The following KLHDC4 variants were observed in gnomAD, a reference collection of about 807,000 sequenced individuals.
KLHDC4 encodes kelch domain containing 4.
Under a neutral mutation model 62.4 loss-of-function variants are expected in KLHDC4, and 90 were observed. That is an observed-to-expected ratio of 1.44 (90% confidence interval 1.22 to 1.72). The LOEUF is 1.72. Ranked by LOEUF, KLHDC4 falls within the 40% of genes most tolerant of loss-of-function variation. The pLI, the probability that KLHDC4 is intolerant of heterozygous loss-of-function variation, is 0.00. For synonymous variants in KLHDC4, 386 were observed against 284.4 expected (o/e 1.36, Z -3.59); for missense variants, 1,025 against 699.7 (o/e 1.47, Z -5.25).
chr16:87,759,553 C>A (rs2143415326), intron 2 of KLHDC4, among the ~76,000 whole-genome samples: 1 of 152,314 alleles, frequency 6.6e-6, no homozygotes, highest in African/African-American at 2.4e-5. Flanking sequence ...TCAAGACCAG[C>A]CTGACCAACA....
downstream of KLHDC4, among the ~76,000 whole-genome samples, chr16:87,705,036 G>C (rs2034494917): frequency 6.6e-6 from 1 of 152,258 alleles, no homozygotes; most frequent in African/African-American, 2.4e-5. Context: ...TGCCTCCCCT[G>C]GTACGCCCGC....
chr16:87,729,925 G>T (rs1366285733), intron 6 of KLHDC4, among the ~76,000 whole-genome samples: 1 of 152,172 alleles, frequency 6.6e-6, no homozygotes, highest in Non-Finnish European at 1.5e-5. Context: ...TCTGAACCAG[G>T]CTAAGGTTTG....
At chr16:87,762,730 G>C (rs193173965) in intron 1 of KLHDC4, among the ~76,000 whole-genome samples, 31 of 152,178 alleles carry the variant, frequency 2.0e-4, no homozygotes, top group Admixed American at 1.6e-3. Context: ...TGATGTGCCA[G>C]CACAGAGGGC....
chr16:87,737,426 A>C (rs959247320), intron 5 of KLHDC4, among the ~76,000 whole-genome samples: 1 of 151,626 alleles, frequency 6.6e-6, no homozygotes, highest in South Asian at 2.1e-4. Context: ...CGACTCTCCT[A>C]AAAATACAAA....
intron 5 of KLHDC4, 107 bp downstream of exon 5, chr16:87,748,566 A>G (rs2043399392): frequency 7.1e-7 from 1 of 1,417,562 alleles, no homozygotes; most frequent in African/African-American, 1.4e-5. Context: ...CTGTGACCCA[A>G]GTTCCTCTGA....
At chr16:87,746,161 T>C (rs917401081) in intron 5 of KLHDC4, among the ~76,000 whole-genome samples, 1 of 151,926 alleles carries the variant, frequency 6.6e-6, no homozygotes, top group Non-Finnish European at 1.5e-5. Context: ...TCCTGGCTAC[T>C]AGGGGGGCTG....
intron 4 of KLHDC4, among the ~76,000 whole-genome samples, chr16:87,752,820 G>A (rs1214168290): frequency 5.3e-5 from 8 of 152,286 alleles, no homozygotes; most frequent in South Asian, 4.1e-4. Context: ...TTAAAACTAC[G>A]GAGACCCACA....
chr16:87,765,497 G>A (rs549209790), intron 1 of KLHDC4, among the ~76,000 whole-genome samples: 27 of 152,134 alleles, frequency 1.8e-4, no homozygotes, highest in African/African-American at 6.3e-4. Context: ...GGTGGAGGGA[G>A]AAGGGAGGAG....
intron 7 of KLHDC4, among the ~76,000 whole-genome samples, chr16:87,718,272 C>T (rs529019719): frequency 2.0e-5 from 3 of 149,178 alleles, no homozygotes; most frequent in African/African-American, 7.4e-5. Flanking sequence ...CCACAAAAAC[C>T]GATTCGCTCT....
downstream of KLHDC4, among the ~76,000 whole-genome samples, chr16:87,704,283 C>T (rs1333477875): frequency 6.6e-6 from 1 of 150,742 alleles, no homozygotes; most frequent in Non-Finnish European, 1.5e-5. Context: ...GAAGGAGGCG[C>T]CTGGGGAGGG....
intron 5 of KLHDC4, among the ~76,000 whole-genome samples, chr16:87,745,704 G>A (rs542390334): frequency 7.9e-5 from 12 of 152,174 alleles, no homozygotes; most frequent in Non-Finnish European, 1.6e-4. Flanking sequence ...GTGGGAGAGG[G>A]CAGGCTGAGG....
intron 4 of KLHDC4, among the ~76,000 whole-genome samples, chr16:87,754,910 A>G (rs542818918): frequency 6.6e-6 from 1 of 152,180 alleles, no homozygotes; most frequent in South Asian, 2.1e-4. Context: ...GCCTAGGGGG[A>G]GTGAGCATTC....
intron 5 of KLHDC4, among the ~76,000 whole-genome samples, chr16:87,738,357 GCACACACA>G (rs112406800): frequency 1.3e-5 from 2 of 149,850 alleles, no homozygotes; most frequent in South Asian, 2.1e-4. Flanking sequence ...ACACGGACGT[GCACACACA>G]CACACACACA....
intron 5 of KLHDC4, among the ~76,000 whole-genome samples, chr16:87,734,860 G>A (rs907574185): frequency 6.6e-6 from 1 of 151,442 alleles, no homozygotes; most frequent in Non-Finnish European, 1.5e-5. Context: ...CACTACACAT[G>A]AGAGTCAATT....
At chr16:87,752,689 C>T (rs1457444855) in intron 4 of KLHDC4, among the ~76,000 whole-genome samples, 1 of 152,142 alleles carries the variant, frequency 6.6e-6, no homozygotes, top group Non-Finnish European at 1.5e-5. Flanking sequence ...CCAGGCTTGA[C>T]CCAGTCCGAC....
intron 4 of KLHDC4, among the ~76,000 whole-genome samples, chr16:87,752,545 C>G (rs1257955551): frequency 6.6e-6 from 1 of 151,992 alleles, no homozygotes; most frequent in Non-Finnish European, 1.5e-5. Flanking sequence ...CCATGTTGGC[C>G]AGGATGGTCT....
In KLHDC4 at chr16:87,709,413, G is replaced by A. The variant is rs1342046805; in HGVS notation, c.1299C>T (p.Ser433=). 2.5e-6 allele frequency: 4 copies of A among 1,613,134 alleles called. No individual in the cohort carries two copies. Among genetic ancestry groups the A allele is most frequent in the Admixed American group, 3.3e-5 (2 of 60,008 alleles). ...GSPAPGPCPR[S]NAMLAVKHGV... Reference sequence around the variant, plus strand: ...CATGCTTCACAGCCAGCATGGCGTTGGAGCGTGGACACGGCCCAGGTGCGG... The same window carrying A: ...CATGCTTCACAGCCAGCATGGCGTTAGAGCGTGGACACGGCCCAGGTGCGG... Residue 433 remains serine, a synonymous_variant, in exon 10 of 12, where the codon TCC becomes TCT. Transcript: ENST00000270583.
intron 8 of KLHDC4, among the ~76,000 whole-genome samples, chr16:87,712,012 C>T (rs2035978631): frequency 6.6e-6 from 1 of 150,882 alleles, no homozygotes; most frequent in African/African-American, 2.4e-5. Context: ...GCCCTTGGGC[C>T]TGCACGGGGA....
intron 1 of KLHDC4, 63 bp from the exon 2 acceptor site, chr16:87,762,103 C>A (rs1029975870): frequency 1.9e-6 from 3 of 1,596,684 alleles, no homozygotes; most frequent in Non-Finnish European, 2.6e-6. Context: ...AGCCACAGCC[C>A]GCTCAGCTTT....
Sources: gnomAD v4.1 joint callset for allele counts (sites outside exome capture counted in the v4.1 genomes callset) on GRCh38, gnomAD v4.1.1 for gene constraint, MANE v1.5 for transcripts, NCBI Gene and HGNC (gene_info 2026-07-23, HGNC 2026-07-21) for gene names.